The following MGST2 variants were observed in gnomAD, a reference collection of about 807,000 sequenced individuals.
MGST2 encodes the protein glutathione peroxidase MGST2.
MGST2 carries 9 observed loss-of-function variants against 16.6 expected under a neutral mutation model. The ratio of observed to expected loss-of-function variants is 0.54; its 90% CI spans 0.33 to 0.95. The LOEUF is 0.95. Ranked by LOEUF, MGST2 falls within the 40% of genes least tolerant of loss-of-function variation. MGST2 has a pLI of 0.03. For missense variants in MGST2, 159 were observed against 175.1 expected, an observed-to-expected ratio of 0.91 and a Z score of 0.52; for synonymous variants, 79 against 68.0, an observed-to-expected ratio of 1.16 and a Z score of -0.79.
rs558976719 is a variant in MGST2, at chr4:139,725,782, T to C, written c.*49-14430T>C. 4.3e-6 allele frequency: 7 copies of C among 1,613,982 alleles called. No individual in the cohort carries two copies. In the Admixed American group the frequency reaches 8.3e-5, roughly 19 times the overall value. ...ACTGATTGACCTGCTGCACTGGGTA[T>C]GGATTCCGCTGTGGCTGGAGGTGCT... is the stretch of plus-strand genomic sequence containing the variant. On this transcript the variant is annotated intron_variant, in intron 5 of 5. Coordinates refer to the MGST2 transcript ENST00000616265.
At chr4:139,710,413 A>T (rs1250669048) in intron 5 of MGST2, among the ~76,000 whole-genome samples, 1 of 152,252 alleles carries the variant, frequency 6.6e-6, no homozygotes, top group Non-Finnish European at 1.5e-5. Flanking sequence ...GAAAAGAGAA[A>T]GGTATTCCAT....
chr4:139,708,725 A>G (rs1337866138), downstream of MGST2, among the ~76,000 whole-genome samples: 21 of 152,164 alleles, frequency 1.4e-4, no homozygotes, highest in Non-Finnish European at 1.5e-5. Context: ...ACTATGGGCC[A>G]GGCGCGGTGG....
downstream of MGST2, among the ~76,000 whole-genome samples, chr4:139,742,882 G>A (rs1265842856): frequency 6.6e-6 from 1 of 152,130 alleles, no homozygotes; most frequent in African/African-American, 2.4e-5. Context: ...TATGCACCAA[G>A]TATTTTTTGC....
intron 5 of MGST2, among the ~76,000 whole-genome samples, chr4:139,739,489 C>G (rs549423140): frequency 1.3e-5 from 2 of 152,132 alleles, no homozygotes; most frequent in East Asian, 3.9e-4. Flanking sequence ...TGATTAATTC[C>G]ACCACCAAAG....
At chr4:139,749,868 A>G in the MGST2 span, among the ~76,000 whole-genome samples, 1 of 145,864 alleles carries the variant, frequency 6.9e-6, no homozygotes, top group South Asian at 2.2e-4. Flanking sequence ...CAACTCTCAT[A>G]GTGGAGATGA....
intron 5 of MGST2, chr4:139,719,917 A>G: frequency 6.2e-7 from 1 of 1,614,064 alleles, no homozygotes; most frequent in Non-Finnish European, 8.5e-7. Flanking sequence ...CTTGGGGCCT[A>G]GGCAAGGCCT....
Position 139,698,205 on chromosome 4 carries a change from C to T in MGST2, c.229+2938C>T, listed in dbSNP as rs1365507060. 9.7e-6 allele frequency: 14 copies of T among 1,439,228 alleles called. No individual in the cohort carries two copies. In the Admixed American group the frequency reaches 1.7e-4, roughly 18 times the overall value. The allele number at this position is 1,439,228 out of a possible 1,614,324, so 89.2% of individuals were successfully genotyped here. A position where few individuals can be genotyped will look rare whatever the true frequency, so the allele number is the denominator to read the frequency against. On this transcript the variant is annotated intron_variant, in intron 3 of 4. Transcript: ENST00000265498. ...GATGTCTTTTGGCATAATTGTTACA[C>T]GTTTGGCATGGATAGCACACAGGTT...
At chr4:139,694,128 G>A (rs1278115428) in intron 2 of MGST2, among the ~76,000 whole-genome samples, 4 of 151,628 alleles carry the variant, frequency 2.6e-5, no homozygotes, top group African/African-American at 7.3e-5. Context: ...TGACCTAGAC[G>A]CAGTTTTCTG....
downstream of MGST2, among the ~76,000 whole-genome samples, chr4:139,705,073 C>T (rs78520602): frequency 4.4e-4 from 67 of 152,212 alleles, 2 homozygotes; most frequent in East Asian, 0.011. Context: ...AAAAAAGAGA[C>T]GGTCTTGCTG....
chr4:139,708,231 A>C (rs1457311207), downstream of MGST2, among the ~76,000 whole-genome samples: 1 of 152,182 alleles, frequency 6.6e-6, no homozygotes, highest in Non-Finnish European at 1.5e-5. Flanking sequence ...TCTTGAATTA[A>C]TTTTTGTATA....
chr4:139,727,253 C>T (rs1728509962), intron 5 of MGST2, among the ~76,000 whole-genome samples: 1 of 152,194 alleles, frequency 6.6e-6, no homozygotes, highest in South Asian at 2.1e-4. Flanking sequence ...TAATGTTCTA[C>T]AGAAAACTGT....
chr4:139,711,412 C>T (rs1009028012), intron 5 of MGST2, among the ~76,000 whole-genome samples: 1 of 152,078 alleles, frequency 6.6e-6, no homozygotes, highest in African/African-American at 2.4e-5. Flanking sequence ...AGAGCAGCCC[C>T]GAGGGCTGCT....
In MGST2 at chr4:139,691,684, TGATG is replaced by T. The variant is rs1222275027; in HGVS notation, c.159-3512_159-3509del. 4.9e-3 allele frequency among the ~76,000 whole-genome samples: 685 copies of T among 140,612 alleles called. 9 individuals carry two copies. The East Asian group carries it at 0.06, about 12-fold the overall frequency. The allele number at this position is 140,612 out of a possible 152,430, so 92.2% of individuals were successfully genotyped here. A position where few individuals can be genotyped will look rare whatever the true frequency, so the allele number is the denominator to read the frequency against. ...GGCAGTCAGATGATGATGATGATGATGATGATGATGATGATTATTATTATTATTA... is the reference window on the plus strand; with the variant it reads ...GGCAGTCAGATGATGATGATGATGATATGATGATGATTATTATTATTATTA... On this transcript the variant is annotated intron_variant, in intron 2 of 4. Transcript: ENST00000265498.
chr4:139,695,398 G>A lies in MGST2; in HGVS notation c.229+131G>A, dbSNP rs1579320350. 21 of 743,110 alleles carry A rather than the reference G, an allele frequency of 2.8e-5. No individual in the cohort carries two copies. The South Asian group carries it at 3.1e-4, about 11-fold the overall frequency. The allele number at this position is 743,110 out of a possible 1,614,324, so 46.0% of individuals were successfully genotyped here. On this transcript the variant is annotated intron_variant, in intron 3 of 4. Coordinates refer to ENST00000265498, the MANE Select transcript of MGST2 (RefSeq NM_002413.5). ...GCACTTTGGGAGGCCCAGGTGGGTG[G>A]ATCACCTGAGGTCAGGAGTTCGAGA...
chr4:139,706,315 C>G (rs1033706269), downstream of MGST2, among the ~76,000 whole-genome samples: 15 of 152,178 alleles, frequency 9.9e-5, no homozygotes, highest in Admixed American at 8.5e-4. Flanking sequence ...AGTGAAGACT[C>G]CAGAACCAGA....
intron 5 of MGST2, among the ~76,000 whole-genome samples, chr4:139,723,908 A>G (rs1050269448): frequency 2.0e-5 from 3 of 152,240 alleles, no homozygotes; most frequent in African/African-American, 7.2e-5. Flanking sequence ...TTACTGAATC[A>G]GAAACACTGT....
At chr4:139,696,513 G>A (rs1726930951) in intron 3 of MGST2, among the ~76,000 whole-genome samples, 1 of 152,176 alleles carries the variant, frequency 6.6e-6, no homozygotes. Flanking sequence ...GTGGTTCAGA[G>A]CACTCGTCTC....
intron 3 of MGST2, among the ~76,000 whole-genome samples, chr4:139,697,293 G>A (rs1726982469): frequency 6.6e-6 from 1 of 151,992 alleles, no homozygotes; most frequent in Admixed American, 6.6e-5. Context: ...ACTAATAAAT[G>A]TCCTTTGTGA....
In MGST2 at chr4:139,665,913, C is replaced by A; in HGVS notation, c.-107C>A. On this transcript the variant is annotated 5_prime_UTR_variant, in exon 1 of 5. Transcript: ENST00000265498. ...TCAGCCGCTTGAATCAGCCTTTTCC[C>A]CCCACCCGGTCCCCAACTTTGTTTA... 1 of 1,142,560 alleles carries A rather than the reference C, an allele frequency of 8.8e-7. No homozygotes were observed. Among genetic ancestry groups the A allele is most frequent in the Non-Finnish European group, 1.3e-6 (1 of 765,232 alleles). 70.8% of individuals were successfully genotyped at this position (1,142,560 alleles called of 1,614,324 possible). A position where few individuals can be genotyped will look rare whatever the true frequency, so the allele number is the denominator to read the frequency against.
Sources: allele counts gnomAD v4.1 joint callset (sites outside exome capture counted in the v4.1 genomes callset), GRCh38; gene constraint gnomAD v4.1.1; transcripts MANE v1.5; gene names NCBI Gene and HGNC (gene_info 2026-07-23, HGNC 2026-07-21).